The following RSU1 variants were observed in gnomAD, a reference collection of about 807,000 sequenced individuals.
RSU1 encodes the protein Ras suppressor protein 1, also known as rsu-1.
A neutral mutation model predicts 31.1 loss-of-function variants in RSU1; 26 were observed. That is an observed-to-expected ratio of 0.84 (90% CI 0.61 to 1.16). The LOEUF (loss-of-function observed/expected upper bound fraction) is 1.16. Among genes scored for constraint, RSU1 ranks in the 50% most tolerant of loss-of-function variants. RSU1 has a pLI of 0.00. For synonymous variants in RSU1, 164 were observed against 136.3 expected, an observed-to-expected ratio of 1.20 and a Z score of -1.41; for missense variants, 320 against 339.1, an observed-to-expected ratio of 0.94 and a Z score of 0.44.
chr10:16,753,432 C>T (rs141939431), intron 5 of RSU1, among the ~76,000 whole-genome samples: 133 of 152,286 alleles, frequency 8.7e-4, no homozygotes, highest in African/African-American at 3.1e-3. Context: ...TTAAAATAGA[C>T]CTTTTCCTAT....
intron 8 of RSU1, among the ~76,000 whole-genome samples, chr10:16,611,268 GGGCTGCAGGGAAGTCTCCAGAATA>G (rs1206756196): frequency 1.3e-5 from 2 of 152,162 alleles, no homozygotes; most frequent in Admixed American, 6.5e-5. Context: ...CAGGGAAGAC[GGGCTGCAGGGAAGTCTCCAGAATA>G]GGCTGCAGTG....
At chr10:16,786,830 T>C (rs7088168) in intron 2 of RSU1, among the ~76,000 whole-genome samples, 18,143 of 152,134 alleles carry the variant, frequency 0.12, 1,552 homozygotes, top group African/African-American at 0.23. Flanking sequence ...AATGGTTATC[T>C]TACAGTGAAA....
intron 8 of RSU1, among the ~76,000 whole-genome samples, chr10:16,593,862 A>G (rs1170875359): frequency 6.6e-6 from 1 of 152,230 alleles, no homozygotes; most frequent in Non-Finnish European, 1.5e-5. Flanking sequence ...GTGAAAAGCG[A>G]GCATGATGCT....
intron 8 of RSU1, among the ~76,000 whole-genome samples, chr10:16,640,418 T>C (rs942075803): frequency 2.6e-5 from 4 of 152,172 alleles, no homozygotes; most frequent in Non-Finnish European, 2.9e-5. Flanking sequence ...AACCGGCCTC[T>C]CCACCTCATT....
At chr10:16,733,200 A>G (rs573589868) in intron 7 of RSU1, among the ~76,000 whole-genome samples, 2 of 152,144 alleles carry the variant, frequency 1.3e-5, no homozygotes, top group Middle Eastern at 6.8e-3. Flanking sequence ...TTATTAAAAT[A>G]GAAAACCCGG....
intron 3 of RSU1, chr10:16,767,143 CCT>C (rs1301037484): frequency 1.3e-5 from 2 of 152,256 alleles, no homozygotes; most frequent in African/African-American, 4.8e-5. Flanking sequence ...TCATCCCTCC[CCT>C]GTCCACCCTC....
intron 4 of RSU1, 102 bp downstream of exon 4, chr10:16,764,288 C>G: frequency 7.9e-7 from 1 of 1,272,732 alleles, no homozygotes; most frequent in South Asian, 2.3e-5. Context: ...ATTAGAAATC[C>G]ATTTCTGTGC....
chr10:16,607,425 A>G (rs887027352), intron 8 of RSU1, among the ~76,000 whole-genome samples: 1 of 152,216 alleles, frequency 6.6e-6, no homozygotes, highest in African/African-American at 2.4e-5. Context: ...GTTCAGGCCT[A>G]TAGGTGTCAG....
chr10:16,655,553 A>G (rs534086943), intron 8 of RSU1, among the ~76,000 whole-genome samples: 117 of 152,356 alleles, frequency 7.7e-4, no homozygotes, highest in African/African-American at 2.7e-3. Flanking sequence ...CAATTTGCAT[A>G]TGTATGCAGT....
intron 7 of RSU1, among the ~76,000 whole-genome samples, chr10:16,721,026 T>G (rs1332062448): frequency 6.6e-6 from 1 of 152,108 alleles, no homozygotes; most frequent in Non-Finnish European, 1.5e-5. Flanking sequence ...AATAAATAAA[T>G]AGAGTATCTG....
intron 8 of RSU1, among the ~76,000 whole-genome samples, chr10:16,656,388 A>T (rs1346584263): frequency 6.6e-6 from 1 of 152,212 alleles, no homozygotes; most frequent in Non-Finnish European, 1.5e-5. Context: ...TTATTTACTT[A>T]ATCAATCAAA....
At position 16,730,095 on chromosome 10, in the gene RSU1, T is replaced by C. The variant is rs79456116; in HGVS notation, c.598+22444A>G. 6.8e-3 allele frequency among the ~76,000 whole-genome samples: 1,029 copies of C among 152,232 alleles called. 6 individuals carry two copies. Among genetic ancestry groups the C allele is most frequent in the Non-Finnish European group, 0.012 (809 of 68,004 alleles). Reference sequence around the variant, plus strand: ...GAAGGGGAAGGGGAGCTGTTGTGTATAGATGACAGCGAGAGGATGGAGGGC... The same window carrying C: ...GAAGGGGAAGGGGAGCTGTTGTGTACAGATGACAGCGAGAGGATGGAGGGC... On this transcript the variant is annotated intron_variant, in intron 7 of 8. Coordinates refer to ENST00000345264, the MANE Select transcript of RSU1 (RefSeq NM_012425.4).
At chr10:16,797,735 A>C (rs1487810959) in intron 2 of RSU1, among the ~76,000 whole-genome samples, 1 of 151,618 alleles carries the variant, frequency 6.6e-6, no homozygotes, top group African/African-American at 2.4e-5. Context: ...AAACTTAAGA[A>C]AAAAATTAGA....
chr10:16,767,265 T>C (rs1173572173), intron 3 of RSU1: 1 of 152,162 alleles, frequency 6.6e-6, no homozygotes. Flanking sequence ...TGATCTCAAT[T>C]TAGCCACAAA....
At chr10:16,670,816 G>T (rs1477546578) in intron 8 of RSU1, among the ~76,000 whole-genome samples, 1 of 152,094 alleles carries the variant, frequency 6.6e-6, no homozygotes, top group East Asian at 1.9e-4. Context: ...CCAGGCTGGA[G>T]TCCAACGGCA....
At chr10:16,779,084 C>T (rs1031786394) in intron 3 of RSU1, among the ~76,000 whole-genome samples, 10 of 152,132 alleles carry the variant, frequency 6.6e-5, no homozygotes, top group Non-Finnish European at 1.5e-4. Flanking sequence ...CTATTCTTCC[C>T]GTCTCCTTAA....
intron 8 of RSU1, among the ~76,000 whole-genome samples, chr10:16,633,397 C>T (rs1834287126): frequency 2.0e-5 from 3 of 152,012 alleles, no homozygotes; most frequent in Admixed American, 2.0e-4. Flanking sequence ...TAATTTGTGC[C>T]TCCAAGAAAA....
intron 4 of RSU1, among the ~76,000 whole-genome samples, chr10:16,763,424 G>T (rs542153820): frequency 6.6e-6 from 1 of 152,120 alleles, no homozygotes; most frequent in African/African-American, 2.4e-5. Context: ...CAGCACAAGG[G>T]GGGAGGTGCT....
intron 2 of RSU1, among the ~76,000 whole-genome samples, chr10:16,810,243 A>C (rs1838381431): frequency 6.6e-6 from 1 of 152,238 alleles, no homozygotes; most frequent in African/African-American, 2.4e-5. Context: ...AAAATAAAAA[A>C]ATAAAAAAAT....
Sources: allele counts gnomAD v4.1 joint callset (sites outside exome capture counted in the v4.1 genomes callset), GRCh38; gene constraint gnomAD v4.1.1; transcripts MANE v1.5; gene names NCBI Gene and HGNC (gene_info 2026-07-23, HGNC 2026-07-21).